Variants in SGCD observed in about 807,000 individuals in gnomAD.
SGCD encodes delta-sarcoglycan.
In SGCD, 18 loss-of-function variants were observed where a neutral mutation model predicts 36.6. That is an observed-to-expected ratio of 0.49 (90% CI 0.34 to 0.73). SGCD has a LOEUF of 0.73. Ranked by LOEUF, SGCD falls within the 30% of genes least tolerant of loss-of-function variation. The pLI is 0.01. For synonymous variants in SGCD, 133 were observed against 130.6 expected, an observed-to-expected ratio of 1.02 and a Z score of -0.12; for missense variants, 387 against 346.7, an observed-to-expected ratio of 1.12 and a Z score of -0.92.
At chr5:155,854,732 A>T in the SGCD span, among the ~76,000 whole-genome samples, 1 of 152,198 alleles carries the variant, frequency 6.6e-6, no homozygotes, top group Non-Finnish European at 1.5e-5. Context: ...TCTTAATAGA[A>T]GTATTACATG....
At position 156,762,227 on chromosome 5, in the gene SGCD, C is replaced by T. The variant is rs1757512568; in HGVS notation, c.*2837C>T. 6.6e-6 allele frequency: 1 copy of T among 152,494 alleles called. No homozygotes were observed. The highest frequency in any genetic ancestry group is 2.4e-5 in the African/African-American group (1 of 41,402). 9.4% of individuals were successfully genotyped at this position (152,494 alleles called of 1,614,324 possible). ...TCGCACCTTTGGGTATATTAAACAGCTGGTATCATAACAAAGAATCCAAAT... is the reference window on the plus strand; with the variant it reads ...TCGCACCTTTGGGTATATTAAACAGTTGGTATCATAACAAAGAATCCAAAT... On this transcript the variant is annotated 3_prime_UTR_variant, in exon 9 of 9. Coordinates refer to ENST00000337851, the MANE Select transcript of SGCD (RefSeq NM_000337.6).
intron 4 of SGCD, among the ~76,000 whole-genome samples, chr5:156,563,398 C>G (rs1375272194): frequency 6.6e-6 from 1 of 152,096 alleles, no homozygotes; most frequent in Admixed American, 6.6e-5. Flanking sequence ...CACAGAGAGA[C>G]CAAGGGAAAT....
intron 3 of SGCD, among the ~76,000 whole-genome samples, chr5:156,194,047 T>C (rs1369524120): frequency 6.6e-6 from 1 of 152,190 alleles, no homozygotes; most frequent in Non-Finnish European, 1.5e-5. Flanking sequence ...TTAAATAAAC[T>C]CTGTCATTAG....
intron 1 of SGCD, among the ~76,000 whole-genome samples, chr5:155,994,482 C>T (rs1424960903): frequency 1.3e-5 from 2 of 152,088 alleles, no homozygotes; most frequent in Non-Finnish European, 2.9e-5. Context: ...TGGCAGGAAG[C>T]AAGGTCATAT....
At chr5:156,392,312 G>A (rs1232095456) in intron 3 of SGCD, among the ~76,000 whole-genome samples, 2 of 152,230 alleles carry the variant, frequency 1.3e-5, no homozygotes, top group Non-Finnish European at 2.9e-5. Flanking sequence ...GGGACAAGAA[G>A]ACACTGAATA....
intron 3 of SGCD, among the ~76,000 whole-genome samples, chr5:156,131,453 G>A (rs80125193): frequency 0.02 from 3,065 of 152,230 alleles, 45 homozygotes; most frequent in Non-Finnish European, 0.034. Flanking sequence ...GGTTACTTAC[G>A]AGCCCTCTAT....
At chr5:155,948,313 A>G (rs1436503070) in intron 1 of SGCD, among the ~76,000 whole-genome samples, 1 of 152,048 alleles carries the variant, frequency 6.6e-6, no homozygotes, top group Non-Finnish European at 1.5e-5. Flanking sequence ...TAATAAATAA[A>G]GTTCTTAGTG....
chr5:156,389,200 G>T (rs2127753415), intron 3 of SGCD, among the ~76,000 whole-genome samples: 1 of 152,306 alleles, frequency 6.6e-6, no homozygotes, highest in South Asian at 2.1e-4. Flanking sequence ...GGGGCAACCA[G>T]AACCTTAACA....
At chr5:155,734,467 C>T in the SGCD span, among the ~76,000 whole-genome samples, 5 of 152,160 alleles carry the variant, frequency 3.3e-5, no homozygotes, top group South Asian at 1.0e-3. Flanking sequence ...CATCCTTGGC[C>T]TCGCAAAGTT....
intron 6 of SGCD, among the ~76,000 whole-genome samples, chr5:156,597,868 C>T (rs1461338709): frequency 6.6e-6 from 1 of 152,178 alleles, no homozygotes; most frequent in Non-Finnish European, 1.5e-5. Flanking sequence ...TTTATCACCC[C>T]TGTTTTACAG....
chr5:156,273,687 C>G (rs942403198), intron 3 of SGCD, among the ~76,000 whole-genome samples: 4 of 152,108 alleles, frequency 2.6e-5, no homozygotes, highest in African/African-American at 9.7e-5. Flanking sequence ...GGGACACTTT[C>G]AAAATTTGGC....
At chr5:156,748,090 C>G (rs984462914) in intron 7 of SGCD, among the ~76,000 whole-genome samples, 2 of 152,122 alleles carry the variant, frequency 1.3e-5, no homozygotes, top group African/African-American at 2.4e-5. Context: ...CAGAGCCACA[C>G]GGAAGAATCT....
chr5:156,573,399 A>G (rs1759800354), intron 4 of SGCD, among the ~76,000 whole-genome samples: 1 of 152,212 alleles, frequency 6.6e-6, no homozygotes, highest in Non-Finnish European at 1.5e-5. Flanking sequence ...CCTGCCCTTC[A>G]TGACTGCCCC....
chr5:156,172,943 G>A (rs981248517), intron 3 of SGCD, among the ~76,000 whole-genome samples: 1 of 151,954 alleles, frequency 6.6e-6, no homozygotes, highest in Non-Finnish European at 1.5e-5. Context: ...ACACATCAGA[G>A]TTTGGTTTGT....
intron 3 of SGCD, among the ~76,000 whole-genome samples, chr5:156,212,352 T>C (rs1431481104): frequency 6.6e-6 from 1 of 152,136 alleles, no homozygotes; most frequent in African/African-American, 2.4e-5. Flanking sequence ...AGGGTAGCTA[T>C]ACTTAGATAA....
In SGCD at chr5:156,730,576, A is replaced by G. The variant is rs184994412; in HGVS notation, c.576-27005A>G. 3.9e-5 allele frequency among the ~76,000 whole-genome samples: 6 copies of G among 152,294 alleles called. No individual in the cohort carries two copies. In the South Asian group the frequency reaches 8.3e-4, roughly 21 times the overall value. On this transcript the variant is annotated intron_variant, in intron 7 of 8. Coordinates refer to ENST00000337851, the MANE Select transcript of SGCD (RefSeq NM_000337.6). The stretch of plus-strand genomic sequence containing the variant: ...TGATTTCATTTTTTTATGGCTGCAT[A>G]GTATTCCATGGTGTATATGTTCCAC...
chr5:156,052,250 C>T (rs1759938364), intron 1 of SGCD, among the ~76,000 whole-genome samples: 2 of 145,884 alleles, frequency 1.4e-5, no homozygotes, highest in Admixed American at 1.4e-4. Context: ...CCAGGGATCC[C>T]CTCCCACCTG....
At chr5:156,147,069 TAAAG>T (rs891442961) in intron 3 of SGCD, among the ~76,000 whole-genome samples, 51 of 152,148 alleles carry the variant, frequency 3.4e-4, no homozygotes, top group Non-Finnish European at 5.1e-4. Context: ...AAGAAGATGG[TAAAG>T]CTGGGTCAAA....
chr5:156,626,946 C>A (rs1762461832), intron 6 of SGCD, among the ~76,000 whole-genome samples: 2 of 152,158 alleles, frequency 1.3e-5, no homozygotes, highest in African/African-American at 4.8e-5. Context: ...ACCTTGTAGA[C>A]CACTACAGTA....
Sources: allele counts gnomAD v4.1 joint callset (sites outside exome capture counted in the v4.1 genomes callset), GRCh38; gene constraint gnomAD v4.1.1; transcripts MANE v1.5; gene names NCBI Gene and HGNC (gene_info 2026-07-23, HGNC 2026-07-21).